The following F11R variants were observed in gnomAD, a reference collection of about 807,000 sequenced individuals.
F11R encodes junctional adhesion molecule A.
In F11R, 27 loss-of-function variants were observed where a neutral mutation model predicts 39.3. The observed-to-expected ratio is 0.69, with a 90% CI of 0.51 to 0.95. The LOEUF (loss-of-function observed/expected upper bound fraction) is 0.95, where lower values mean the gene tolerates loss of function less well. Ranked by LOEUF, F11R falls within the 40% of genes least tolerant of loss-of-function variation. The pLI, the probability that F11R is intolerant of heterozygous loss-of-function variation, is 0.00. For synonymous variants in F11R, 131 were observed against 144.9 expected (o/e 0.90, Z 0.69); for missense variants, 335 against 372.7 (o/e 0.90, Z 0.83).
At chr1:161,000,419 A>C in intron 4 of F11R, 71 bp from the exon 5 acceptor site, 1 of 1,510,528 alleles carries the variant, frequency 6.6e-7, no homozygotes, top group South Asian at 1.1e-5. Context: ...ACCAACTACA[A>C]TGGTACCCCC....
At position 161,017,542 on chromosome 1, in the gene F11R, T is replaced by C. The variant is rs183033701; in HGVS notation, c.64+3468A>G. Among the ~76,000 whole-genome samples, 387 of 152,312 alleles carry C rather than the reference T, an allele frequency of 2.5e-3. 4 individuals carry two copies. Among genetic ancestry groups the C allele is most frequent in the African/African-American group, 8.8e-3 (367 of 41,562 alleles). ...ACCTTGTCTATGATGCAAAGACCTTTGTTCACGTGTTTGTCTACTGACCCT... is the reference window on the plus strand; with the variant it reads ...ACCTTGTCTATGATGCAAAGACCTTCGTTCACGTGTTTGTCTACTGACCCT... On this transcript the variant is annotated intron_variant, in intron 1 of 9. Coordinates refer to ENST00000368026, the MANE Select transcript of F11R (RefSeq NM_016946.6).
At chr1:161,017,421 A>G (rs557269197) in intron 1 of F11R, among the ~76,000 whole-genome samples, 1 of 152,256 alleles carries the variant, frequency 6.6e-6, no homozygotes, top group Non-Finnish European at 1.5e-5. Flanking sequence ...AACCGCCTTA[A>G]GGCTGGAGGT....
chr1:161,020,969 G>T, intron 1 of F11R, 41 bp downstream of exon 1: 1 of 1,599,152 alleles, frequency 6.3e-7, no homozygotes, highest in Non-Finnish European at 8.6e-7. Context: ...TCCAACCTCT[G>T]ACCCGACCAA....
Position 160,999,693 on chromosome 1 carries a change from A to T in F11R, c.749T>A (p.Leu250Gln). The change falls in exon 7 of 10, where the codon CTG (leucine) becomes CAG (glutamine). Residue 250 changes from leucine (L) to glutamine (Q), a missense_variant. By Grantham distance (113) the Leu-to-Gln change is moderately radical. Coordinates refer to ENST00000368026, the MANE Select transcript of F11R (RefSeq NM_016946.6). Reference sequence around the variant, plus strand: ...CCAGATGCCAAAAACCAAGATTCCCAGGAGAATCAGGGTTACAAGGACGGC... The same window carrying T: ...CCAGATGCCAAAAACCAAGATTCCCTGGAGAATCAGGGTTACAAGGACGGC... ...VAAVLVTLILLGILVFGIWFA... is the reference protein window; with the variant it reads ...VAAVLVTLILQGILVFGIWFA... 1 of 1,614,180 alleles carries T rather than the reference A, an allele frequency of 6.2e-7. No homozygotes were observed. Among genetic ancestry groups the T allele is most frequent in the Middle Eastern group, 1.6e-4 (1 of 6,062 alleles).
intron 1 of F11R, among the ~76,000 whole-genome samples, chr1:161,008,186 G>C (rs1482083676): frequency 6.6e-6 from 1 of 152,060 alleles, no homozygotes; most frequent in Non-Finnish European, 1.5e-5. Flanking sequence ...CTTAGGTTTT[G>C]GGCCCATGTA....
At chr1:161,012,409 G>A (rs1557894238) in intron 1 of F11R, among the ~76,000 whole-genome samples, 1 of 152,026 alleles carries the variant, frequency 6.6e-6, no homozygotes, top group Non-Finnish European at 1.5e-5. Flanking sequence ...AGGAGTTCAA[G>A]ACCAGCCTGG....
At chr1:161,015,497 A>C (rs1649414653) in intron 1 of F11R, among the ~76,000 whole-genome samples, 1 of 151,054 alleles carries the variant, frequency 6.6e-6, no homozygotes, top group Non-Finnish European at 1.5e-5. Context: ...AGGCTGAGGC[A>C]GGAGAATCAC....
chr1:161,009,457 C>T (rs1189142025), intron 1 of F11R, among the ~76,000 whole-genome samples: 1 of 134,056 alleles, frequency 7.5e-6, no homozygotes, highest in Non-Finnish European at 1.7e-5. Flanking sequence ...CCCATCTGTA[C>T]CAAAAAAAAA....
intron 1 of F11R, among the ~76,000 whole-genome samples, chr1:161,003,121 G>GTT (rs1240695928): frequency 3.2e-5 from 2 of 61,780 alleles, no homozygotes; most frequent in Admixed American, 1.6e-4. Context: ...GCTAATTTTT[G>GTT]TATTTTTTTT....
intron 1 of F11R, among the ~76,000 whole-genome samples, chr1:161,010,345 A>G (rs1471182089): frequency 6.7e-6 from 1 of 150,014 alleles, no homozygotes; most frequent in Non-Finnish European, 1.5e-5. Context: ...TCAGGAGGCT[A>G]AGGCAGGAGA....
chr1:160,999,452 G>T (rs770847946), intron 7 of F11R, 44 bp from the exon 8 acceptor site: 1 of 1,614,078 alleles, frequency 6.2e-7, no homozygotes, highest in Non-Finnish European at 8.5e-7. Flanking sequence ...CAGGACAGAA[G>T]ACAGCATGGC....
Position 161,000,664 on chromosome 1 carries a change from A to C in F11R, c.355T>G (p.Tyr119Asp). 1 of 1,614,172 alleles carries C rather than the reference A, an allele frequency of 6.2e-7. No individual in the cohort carries two copies. Among genetic ancestry groups the C allele is most frequent in the Non-Finnish European group, 8.5e-7 (1 of 1,180,030 alleles). Residue 119 changes from tyrosine to aspartate, a missense_variant, in exon 4 of 10, where the codon TAT becomes GAT. Tyr to Asp is a radical substitution (Grantham distance 160). Coordinates refer to ENST00000368026, the MANE Select transcript of F11R (RefSeq NM_016946.6). ...ATGAGCTTGACCTTGACCTCCCCATAGCTGTTGCCGCCTTCCTCAGAGACC... is the reference window on the plus strand; with the variant it reads ...ATGAGCTTGACCTTGACCTCCCCATCGCTGTTGCCGCCTTCCTCAGAGACC... ...CMVSEEGGNS[Y>D]GEVKVKLIVL...
At chr1:161,017,441 G>A (rs895549245) in intron 1 of F11R, among the ~76,000 whole-genome samples, 6 of 152,186 alleles carry the variant, frequency 3.9e-5, no homozygotes, top group East Asian at 1.9e-4. Flanking sequence ...TGGGACATGC[G>A]GGCAGCAATA....
chr1:161,012,103 A>G (rs914489678), intron 1 of F11R, among the ~76,000 whole-genome samples: 1 of 152,092 alleles, frequency 6.6e-6, no homozygotes, highest in Non-Finnish European at 1.5e-5. Context: ...CTTTGCACAG[A>G]GGAGGTGCTC....
chr1:161,018,955 AT>A (rs1371559196), intron 1 of F11R, among the ~76,000 whole-genome samples: 12 of 152,296 alleles, frequency 7.9e-5, no homozygotes, highest in Non-Finnish European at 4.4e-5. Context: ...GTATATGATT[AT>A]TTTAGGATTA....
intron 1 of F11R, among the ~76,000 whole-genome samples, chr1:161,002,997 A>T (rs569762586): frequency 1.4e-5 from 2 of 145,688 alleles, no homozygotes; most frequent in East Asian, 4.0e-4. Flanking sequence ...CCTGTTGCCC[A>T]GGCTGGAGTG....
At chr1:161,005,124 C>A (rs1341475528) in intron 1 of F11R, among the ~76,000 whole-genome samples, 1 of 150,932 alleles carries the variant, frequency 6.6e-6, no homozygotes. Context: ...AGTGCCACTG[C>A]ACTCCAGCCT....
In F11R at chr1:161,000,661, C is replaced by T; in HGVS notation, c.358G>A (p.Gly120Arg). The change falls in exon 4 of 10, where the codon GGG becomes AGG. Residue 120 changes from glycine (G) to arginine (R), a missense_variant. Transcript: ENST00000368026. Reference protein sequence around the residue: ...MVSEEGGNSYGEVKVKLIVLV... With the variant: ...MVSEEGGNSYREVKVKLIVLV... ...ACGATGAGCTTGACCTTGACCTCCCCATAGCTGTTGCCGCCTTCCTCAGAG... is the reference window on the plus strand; with the variant it reads ...ACGATGAGCTTGACCTTGACCTCCCTATAGCTGTTGCCGCCTTCCTCAGAG... 6.2e-7 allele frequency: 1 copy of T among 1,614,200 alleles called. No homozygotes were observed. The highest frequency in any genetic ancestry group is 8.5e-7 in the Non-Finnish European group (1 of 1,180,038).
intron 1 of F11R, among the ~76,000 whole-genome samples, chr1:161,012,380 G>A (rs1401743511): frequency 6.6e-6 from 1 of 152,100 alleles, no homozygotes; most frequent in African/African-American, 2.4e-5. Context: ...AGGCCAAGAT[G>A]GGAGAATCAC....
Sources: allele counts gnomAD v4.1 joint callset (sites outside exome capture counted in the v4.1 genomes callset), GRCh38; gene constraint gnomAD v4.1.1; transcripts MANE v1.5; gene names NCBI Gene and HGNC (gene_info 2026-07-23, HGNC 2026-07-21).